Variants in CLSTN1 observed in about 807,000 individuals in gnomAD.
The protein encoded by CLSTN1 is calsyntenin 1, also known as calsyntenin-1.
In CLSTN1, 28 loss-of-function variants were observed where a neutral mutation model predicts 108.3. The ratio of observed to expected loss-of-function variants is 0.26; its 90% CI spans 0.19 to 0.35. The LOEUF is 0.35. Ranked by LOEUF, CLSTN1 falls within the 10% of genes least tolerant of loss-of-function variation. The pLI, the probability that CLSTN1 is intolerant of heterozygous loss-of-function variation, is 1.00. For synonymous variants in CLSTN1, 524 were observed against 534.9 expected (o/e 0.98, Z 0.28); for missense variants, 1,157 against 1,302.6 (o/e 0.89, Z 1.72).
intron 1 of CLSTN1, among the ~76,000 whole-genome samples, chr1:9,816,577 GT>G (rs59680252): frequency 2.7e-5 from 4 of 150,334 alleles, no homozygotes; most frequent in African/African-American, 9.8e-5. Context: ...AAAAAGGTGG[GT>G]TTTTTTGTTT....
chr1:9,751,362 C>A (rs1651547713), intron 5 of CLSTN1, 111 bp downstream of exon 5: 1 of 1,009,124 alleles, frequency 9.9e-7, no homozygotes, highest in East Asian at 2.5e-5. Context: ...GTTAGGTCTC[C>A]AACTTGTGAG....
Position 9,732,091 on chromosome 1 carries a change from AAAAG to A in CLSTN1, c.2428-199_2428-196del, listed in dbSNP as rs752681490. ...AGCACTTAAAAAACAAAAACAAAGA[AAAAG>A]AAACAAAAACCAAACAAAAAAGAGT... On this transcript the variant is annotated intron_variant, in intron 16 of 18. Coordinates refer to ENST00000377298, the MANE Select transcript of CLSTN1 (RefSeq NM_001009566.3). Among the ~76,000 whole-genome samples, 55 of 152,064 alleles carry A rather than the reference AAAAG, an allele frequency of 3.6e-4. 1 individual carries two copies. Among genetic ancestry groups the A allele is most frequent in the South Asian group, 8.3e-4 (4 of 4,824 alleles).
At position 9,762,932 on chromosome 1, in the gene CLSTN1, T is replaced by C. The variant is rs115484887; in HGVS notation, c.215-6422A>G. On this transcript the variant is annotated intron_variant, in intron 2 of 18. Coordinates refer to ENST00000377298, the MANE Select transcript of CLSTN1 (RefSeq NM_001009566.3). ...AGTTTCTGGAATGAGCTCATACGTG[T>C]CTCTAATCAGCAGTTTTTTCGGGGT... Among the ~76,000 whole-genome samples, 657 of 152,170 alleles carry C rather than the reference T, an allele frequency of 4.3e-3. 3 individuals carry two copies. The highest frequency in any genetic ancestry group is 0.014 in the African/African-American group (588 of 41,500).
rs1650338555 is a variant in CLSTN1 at position 9,730,843 on chromosome 1, G to A, written c.2749-138C>T. 1.4e-5 allele frequency: 11 copies of A among 810,584 alleles called. No individual in the cohort carries two copies. In the South Asian group the frequency reaches 1.6e-4, roughly 12 times the overall value. 50.2% of individuals were successfully genotyped at this position (810,584 alleles called of 1,614,324 possible). Reference sequence around the variant, plus strand: ...CCCCAGCGACAGAGCAGCCAGGACGGCACCGGAAGTTATATTAGAAGTGAA... The same window carrying A: ...CCCCAGCGACAGAGCAGCCAGGACGACACCGGAAGTTATATTAGAAGTGAA... On this transcript the variant is annotated intron_variant, in intron 18 of 18. Coordinates refer to ENST00000377298, the MANE Select transcript of CLSTN1 (RefSeq NM_001009566.3). This position sits in a 1 kb window ranked among gnomAD's most constrained non-coding sequence, Gnocchi z 5.6.
chr1:9,804,723 T>C (rs1654433516), intron 1 of CLSTN1, among the ~76,000 whole-genome samples: 1 of 152,102 alleles, frequency 6.6e-6, no homozygotes, highest in Admixed American at 6.6e-5. Flanking sequence ...TCCCAGCTAT[T>C]CAGGAAGCTG....
chr1:9,802,960 G>A (rs770082232), intron 1 of CLSTN1, among the ~76,000 whole-genome samples: 1 of 151,576 alleles, frequency 6.6e-6, no homozygotes, highest in Non-Finnish European at 1.5e-5. Flanking sequence ...AAGTAACTGG[G>A]GCCACAGGCA....
intron 1 of CLSTN1, among the ~76,000 whole-genome samples, chr1:9,778,985 T>C (rs1309539661): frequency 6.7e-6 from 1 of 150,320 alleles, no homozygotes; most frequent in Non-Finnish European, 1.5e-5. Context: ...ACCGTGCCAT[T>C]GCACTCCAGC....
chr1:9,775,492 C>A (rs538253945), intron 1 of CLSTN1, among the ~76,000 whole-genome samples: 1 of 152,076 alleles, frequency 6.6e-6, no homozygotes, highest in African/African-American at 2.4e-5. Flanking sequence ...TTTGCTTTGC[C>A]TGGGGCTCGG....
rs376839891 is a variant in CLSTN1 at position 9,773,330 on chromosome 1, G to A, written c.156C>T (p.Thr52=). The A allele has an allele frequency of 5.1e-5, 82 of 1,614,032 alleles. No individual in the cohort carries two copies. The highest frequency in any genetic ancestry group is 6.8e-5 in the Non-Finnish European group (80 of 1,180,020). ...CGATCAGTGGGGGGTCGAGGAGCAC[G>A]GTGTTGTCGTTCTCTGTGACTATGC... is the stretch of plus-strand genomic sequence containing the variant. ...YHGIVTENDN[T]VLLDPPLIAL... is the part of the protein sequence containing the mutation. Residue 52 remains threonine, a synonymous_variant, in exon 2 of 19, where the codon ACC becomes ACT. Transcript: ENST00000377298.
rs904276605 is a variant in CLSTN1, at chr1:9,730,237, C to T, written c.*271G>A. 2.9e-5 allele frequency: 16 copies of T among 543,360 alleles called. No homozygotes were observed. Among genetic ancestry groups the T allele is most frequent in the Non-Finnish European group, 4.0e-5 (12 of 300,894 alleles). The allele number at this position is 543,360 out of a possible 1,614,324, so 33.7% of individuals were successfully genotyped here. On this transcript the variant is annotated 3_prime_UTR_variant, in exon 19 of 19. Transcript: ENST00000377298. The surrounding 1 kb of genome is among the most constrained non-coding windows in gnomAD (Gnocchi z 5.6). ...CGGGGGGAGACTCCAGACACAAACG[C>T]GGGGCCTGAGGCGCTGGGAGGCCCC...
chr1:9,734,886 A>G lies in CLSTN1; in HGVS notation c.2110+62T>C. Reference sequence around the variant, plus strand: ...ACAGAGACAAAGAGCCCCGCCAAGTACATGGGGACAATGGGGTTTCCGGCC... The same window carrying G: ...ACAGAGACAAAGAGCCCCGCCAAGTGCATGGGGACAATGGGGTTTCCGGCC... On this transcript the variant is annotated intron_variant, in intron 14 of 18. Coordinates refer to ENST00000377298, the MANE Select transcript of CLSTN1 (RefSeq NM_001009566.3). The surrounding 1 kb of genome is among the most constrained non-coding windows in gnomAD (Gnocchi z 4.8). 7.2e-7 allele frequency: 1 copy of G among 1,383,284 alleles called. No individual in the cohort carries two copies. The highest frequency in any genetic ancestry group is 1.0e-6 in the Non-Finnish European group (1 of 972,436). The allele number at this position is 1,383,284 out of a possible 1,614,324, so 85.7% of individuals were successfully genotyped here.
rs927149318 is a variant in CLSTN1 at position 9,745,846 on chromosome 1, G to A, written c.986-1203C>T. Among the ~76,000 whole-genome samples the A allele has an allele frequency of 1.1e-4, 15 of 131,646 alleles. No individual in the cohort carries two copies. In the East Asian group the frequency reaches 1.3e-3, roughly 11 times the overall value. 86.4% of individuals were successfully genotyped at this position (131,646 alleles called of 152,430 possible). A position where few individuals can be genotyped will look rare whatever the true frequency, so the allele number is the denominator to read the frequency against. On this transcript the variant is annotated intron_variant, in intron 7 of 18. Transcript: ENST00000377298. ...TGCAGTGGTGCAGCGTTGGTTTACCGCAGCCTTGACCTCCTGAGCTCAAGC... is the reference window on the plus strand; with the variant it reads ...TGCAGTGGTGCAGCGTTGGTTTACCACAGCCTTGACCTCCTGAGCTCAAGC...
At chr1:9,802,823 A>ATTTTT (rs34247091) in intron 1 of CLSTN1, among the ~76,000 whole-genome samples, 1 of 130,544 alleles carries the variant, frequency 7.7e-6, no homozygotes, top group Non-Finnish European at 1.6e-5. Flanking sequence ...ATTTTCTTAG[A>ATTTTT]TTTTTTTTTT....
intron 11 of CLSTN1, among the ~76,000 whole-genome samples, chr1:9,736,605 G>A (rs973886160): frequency 3.3e-5 from 5 of 152,128 alleles, no homozygotes; most frequent in African/African-American, 4.8e-5. Context: ...ATGTTACAAC[G>A]AAAACCAAAA....
At chr1:9,783,693 T>TA (rs1367268978) in intron 1 of CLSTN1, among the ~76,000 whole-genome samples, 3 of 144,248 alleles carry the variant, frequency 2.1e-5, no homozygotes, top group Non-Finnish European at 4.5e-5. Context: ...CCGTCTCCAC[T>TA]AAAAAAATAC....
chr1:9,816,531 T>A (rs1402887090), intron 1 of CLSTN1, among the ~76,000 whole-genome samples: 1 of 145,022 alleles, frequency 6.9e-6, no homozygotes, highest in Non-Finnish European at 1.5e-5. Context: ...TCAATAAAGC[T>A]GCTTTAAAAA....
At chr1:9,811,938 C>T (rs1273533321) in intron 1 of CLSTN1, among the ~76,000 whole-genome samples, 3 of 152,020 alleles carry the variant, frequency 2.0e-5, no homozygotes, top group African/African-American at 7.3e-5. Context: ...GAGACTGAGA[C>T]CATCCTGGCT....
chr1:9,817,082 T>G (rs982793289), intron 1 of CLSTN1, among the ~76,000 whole-genome samples: 5 of 152,188 alleles, frequency 3.3e-5, no homozygotes, highest in Non-Finnish European at 7.3e-5. Context: ...AAGATGATTC[T>G]TCGGCCAGGT....
At chr1:9,821,895 T>C (rs913290057) in intron 1 of CLSTN1, among the ~76,000 whole-genome samples, 4 of 152,202 alleles carry the variant, frequency 2.6e-5, no homozygotes, top group Admixed American at 2.0e-4. Context: ...AAATTACAAA[T>C]GACTCAACTA....
Sources: gnomAD v4.1 joint callset for allele counts (sites outside exome capture counted in the v4.1 genomes callset) on GRCh38, gnomAD v4.1.1 for gene constraint, Gnocchi (gnomAD v3.1) non-coding constraint, MANE v1.5 for transcripts, NCBI Gene and HGNC (gene_info 2026-07-23, HGNC 2026-07-21) for gene names.